The following SEMA5A variants were observed in gnomAD, a reference collection of about 807,000 sequenced individuals.
SEMA5A encodes the protein semaphorin 5A.
In SEMA5A, 55 loss-of-function variants were observed where a neutral mutation model predicts 135.5. The ratio of observed to expected loss-of-function variants is 0.41; its 90% confidence interval spans 0.33 to 0.51. The LOEUF (loss-of-function observed/expected upper bound fraction) is 0.51, where lower values mean the gene tolerates loss of function less well. SEMA5A is among the 20% of genes least tolerant of loss of function. The pLI, the probability that SEMA5A is intolerant of heterozygous loss-of-function variation, is 0.37. For missense variants in SEMA5A, 1,290 were observed against 1,419.9 expected, an observed-to-expected ratio of 0.91 and a Z score of 1.47; for synonymous variants, 580 against 546.5, an observed-to-expected ratio of 1.06 and a Z score of -0.85.
chr5:9,362,619 A>G (rs1328179415), intron 3 of SEMA5A, among the ~76,000 whole-genome samples: 1 of 152,196 alleles, frequency 6.6e-6, no homozygotes, highest in African/African-American at 2.4e-5. Flanking sequence ...TAAAAATATA[A>G]TTTAAACTAC....
chr5:9,459,360 A>G (rs1349397725), intron 1 of SEMA5A, among the ~76,000 whole-genome samples: 3 of 152,206 alleles, frequency 2.0e-5, no homozygotes, highest in Non-Finnish European at 4.4e-5. Flanking sequence ...AAATTGCAGC[A>G]CCCATCTTGG....
intron 15 of SEMA5A, among the ~76,000 whole-genome samples, chr5:9,111,643 C>T (rs1740247288): frequency 6.6e-6 from 1 of 152,156 alleles, no homozygotes; most frequent in South Asian, 2.1e-4. Flanking sequence ...GCTGGCGTGT[C>T]ACCCTCTGAA....
Position 9,204,828 on chromosome 5 carries a change from C to T in SEMA5A, c.647-2588G>A, listed in dbSNP as rs929035216. Reference sequence around the variant, plus strand: ...CAAATGAATGTTACCTCCTGAGCTCCGCCTCCCGTCAGATCAGTGGCAGCA... The same window carrying T: ...CAAATGAATGTTACCTCCTGAGCTCTGCCTCCCGTCAGATCAGTGGCAGCA... On this transcript the variant is annotated intron_variant, in intron 8 of 22. Coordinates refer to ENST00000382496, the MANE Select transcript of SEMA5A (RefSeq NM_003966.3). This position sits in a 1 kb window ranked among gnomAD's most constrained non-coding sequence, Gnocchi z 6.4. Among the ~76,000 whole-genome samples, 19 of 152,254 alleles carry T rather than the reference C, an allele frequency of 1.2e-4. No homozygotes were observed. The highest frequency in any genetic ancestry group is 4.6e-4 in the African/African-American group (19 of 41,538).
chr5:9,189,175 C>T (rs948029985), intron 11 of SEMA5A, among the ~76,000 whole-genome samples: 2 of 152,236 alleles, frequency 1.3e-5, no homozygotes, highest in African/African-American at 4.8e-5. Flanking sequence ...TGCTAACTAG[C>T]AAATGCAGGA....
intron 1 of SEMA5A, among the ~76,000 whole-genome samples, chr5:9,544,975 G>C (rs1738301767): frequency 6.6e-6 from 1 of 152,234 alleles, no homozygotes; most frequent in Admixed American, 6.5e-5. Context: ...CCTGGTGAAA[G>C]GGGCTCGCCT....
chr5:9,128,825 T>C (rs776271373), intron 13 of SEMA5A, among the ~76,000 whole-genome samples: 4 of 152,202 alleles, frequency 2.6e-5, no homozygotes, highest in Admixed American at 1.3e-4. Context: ...ATCGGCACTA[T>C]TGACATTTGG....
intron 5 of SEMA5A, among the ~76,000 whole-genome samples, chr5:9,289,441 A>T (rs761610159): frequency 1.3e-5 from 2 of 152,196 alleles, no homozygotes; most frequent in Non-Finnish European, 2.9e-5. Context: ...AGGCTGAGGC[A>T]GATCGCGAGG....
intron 15 of SEMA5A, among the ~76,000 whole-genome samples, chr5:9,112,908 A>C (rs1740317343): frequency 6.6e-6 from 1 of 152,232 alleles, no homozygotes; most frequent in African/African-American, 2.4e-5. Flanking sequence ...TGAGGAAGCA[A>C]GCAAAAAGGT....
chr5:9,293,853 T>A (rs1751203724), intron 5 of SEMA5A, among the ~76,000 whole-genome samples: 1 of 152,124 alleles, frequency 6.6e-6, no homozygotes. Context: ...AATACATAAT[T>A]AAATAAAAAA....
chr5:9,181,829 G>A (rs1209402815), intron 11 of SEMA5A, among the ~76,000 whole-genome samples: 2 of 151,938 alleles, frequency 1.3e-5, no homozygotes, highest in Non-Finnish European at 2.9e-5. Flanking sequence ...TGCCAACCCC[G>A]CATGGTACTC....
At chr5:9,288,785 T>C (rs567619651) in intron 5 of SEMA5A, among the ~76,000 whole-genome samples, 5 of 152,298 alleles carry the variant, frequency 3.3e-5, no homozygotes, top group African/African-American at 1.2e-4. Flanking sequence ...GTAGTCTTGG[T>C]AAGATTAAGC....
chr5:9,064,205 G>T (rs942071624), intron 17 of SEMA5A, among the ~76,000 whole-genome samples: 1 of 152,164 alleles, frequency 6.6e-6, no homozygotes, highest in Non-Finnish European at 1.5e-5. Flanking sequence ...GAAAAACTAT[G>T]CACAAATCAA....
At chr5:9,070,411 C>A (rs1737711523) in intron 16 of SEMA5A, among the ~76,000 whole-genome samples, 2 of 152,244 alleles carry the variant, frequency 1.3e-5, no homozygotes, top group East Asian at 3.9e-4. Flanking sequence ...GTTTATGGGC[C>A]TCTGTTTGAA....
intron 2 of SEMA5A, among the ~76,000 whole-genome samples, chr5:9,408,017 C>CCATCACTACCAA (rs1281484728): frequency 1.4e-3 from 209 of 151,480 alleles, no homozygotes; most frequent in African/African-American, 4.9e-3. Flanking sequence ...ACTACCAACA[C>CCATCACTACCAA]CACAACTACC....
chr5:9,413,626 A>C (rs917496300), intron 2 of SEMA5A, among the ~76,000 whole-genome samples: 1 of 152,228 alleles, frequency 6.6e-6, no homozygotes, highest in Non-Finnish European at 1.5e-5. Flanking sequence ...GATTTAGAAG[A>C]GAGGGTAAGA....
At chr5:9,147,009 G>A (rs1401044268) in intron 12 of SEMA5A, among the ~76,000 whole-genome samples, 2 of 152,190 alleles carry the variant, frequency 1.3e-5, no homozygotes, top group Non-Finnish European at 2.9e-5. Flanking sequence ...GGGAGACCAC[G>A]TGGAGACCCT....
At chr5:9,152,339 C>T (rs1742678066) in intron 12 of SEMA5A, among the ~76,000 whole-genome samples, 1 of 152,184 alleles carries the variant, frequency 6.6e-6, no homozygotes, top group Non-Finnish European at 1.5e-5. Context: ...TCCTGTTACC[C>T]ACTGAACCAA....
intron 1 of SEMA5A, among the ~76,000 whole-genome samples, chr5:9,484,382 G>A (rs759335664): frequency 6.6e-5 from 10 of 151,996 alleles, no homozygotes; most frequent in Non-Finnish European, 1.5e-4. Context: ...TTAACACACC[G>A]GTTGTTATTT....
At chr5:9,162,585 T>TACAC (rs143558117) in intron 11 of SEMA5A, among the ~76,000 whole-genome samples, 4 of 112,064 alleles carry the variant, frequency 3.6e-5, no homozygotes, top group East Asian at 3.1e-4. Flanking sequence ...TATATATATA[T>TACAC]ACACACACAC....
Sources: gnomAD v4.1 joint callset for allele counts (sites outside exome capture counted in the v4.1 genomes callset) on GRCh38, gnomAD v4.1.1 for gene constraint, Gnocchi (gnomAD v3.1) non-coding constraint, MANE v1.5 for transcripts, NCBI Gene and HGNC (gene_info 2026-07-23, HGNC 2026-07-21) for gene names.